The following COLEC10 variants were observed in gnomAD, a reference collection of about 807,000 sequenced individuals.
The protein encoded by COLEC10 is collectin subfamily member 10.
A neutral mutation model predicts 28.4 loss-of-function variants in COLEC10; 22 were observed. The observed-to-expected ratio is 0.78, with a 90% confidence interval of 0.55 to 1.11. The LOEUF is 1.11. COLEC10 is among the 50% of genes least tolerant of loss of function. The probability of loss-of-function intolerance (pLI) is 0.00; values close to 1 mark genes in which losing one functional copy is unlikely to be tolerated. For missense variants in COLEC10, 361 were observed against 344.1 expected (o/e 1.05, Z -0.39); for synonymous variants, 125 against 116.1 (o/e 1.08, Z -0.49).
intron 2 of COLEC10, among the ~76,000 whole-genome samples, chr8:119,045,570 T>C (rs1486950883): frequency 6.6e-6 from 1 of 152,244 alleles, no homozygotes; most frequent in African/African-American, 2.4e-5. Flanking sequence ...ACTGCTTATA[T>C]GGAGAGAAAA....
At chr8:119,062,439 C>G (rs1483815619), upstream of COLEC10, among the ~76,000 whole-genome samples, 1 of 151,566 alleles carries the variant, frequency 6.6e-6, no homozygotes, top group Non-Finnish European at 1.5e-5. Flanking sequence ...AACCATTTGA[C>G]TTTTTTTAAA....
chr8:119,098,307 C>A (rs187559585), intron 3 of COLEC10, among the ~76,000 whole-genome samples: 4 of 152,058 alleles, frequency 2.6e-5, no homozygotes, highest in East Asian at 3.9e-4. Context: ...GTTTTTAGTA[C>A]GATTAGCTGA....
At chr8:119,030,411 C>T (rs1289960849) in intron 2 of COLEC10, among the ~76,000 whole-genome samples, 6 of 152,034 alleles carry the variant, frequency 3.9e-5, no homozygotes, top group African/African-American at 1.5e-4. Flanking sequence ...ATGCTGTAAT[C>T]TCAGCACTGT....
intron 1 of COLEC10, among the ~76,000 whole-genome samples, chr8:119,074,281 TAA>T (rs1815182078): frequency 6.6e-6 from 1 of 152,108 alleles, no homozygotes; most frequent in Non-Finnish European, 1.5e-5. Context: ...TGTAAATAAC[TAA>T]AAGAGTATAA....
At chr8:118,975,646 C>A in the COLEC10 span, among the ~76,000 whole-genome samples, 1 of 151,904 alleles carries the variant, frequency 6.6e-6, no homozygotes, top group Non-Finnish European at 1.5e-5. Context: ...TCTTCTTTTC[C>A]AAACTATTAA....
intron 2 of COLEC10, among the ~76,000 whole-genome samples, chr8:119,037,978 G>C (rs1262234012): frequency 3.3e-5 from 5 of 152,172 alleles, no homozygotes; most frequent in Non-Finnish European, 7.3e-5. Flanking sequence ...CAAACACAGA[G>C]TTTGACACAT....
intron 1 of COLEC10, among the ~76,000 whole-genome samples, chr8:119,007,659 G>A (rs1813828421): frequency 6.6e-6 from 1 of 151,034 alleles, no homozygotes; most frequent in Admixed American, 6.6e-5. Context: ...GGAAGTCAAA[G>A]GACTTGCCCA....
chr8:119,009,850 A>ATTT (rs1563715702), intron 2 of COLEC10, among the ~76,000 whole-genome samples: 3 of 143,042 alleles, frequency 2.1e-5, no homozygotes, highest in African/African-American at 8.1e-5. Flanking sequence ...CTTTTTTTTA[A>ATTT]AAAAAAATAG....
chr8:118,961,172 T>C, the COLEC10 span, among the ~76,000 whole-genome samples: 1 of 152,162 alleles, frequency 6.6e-6, no homozygotes, highest in African/African-American at 2.4e-5. Flanking sequence ...CCTACTATAG[T>C]GATAAGGAAA....
Position 119,108,303 on chromosome 8 carries a change from G to A in COLEC10, c.*2112G>A, listed in dbSNP as rs151231915. Among the ~76,000 whole-genome samples the A allele has an allele frequency of 3.7e-4, 56 of 152,270 alleles. No individual in the cohort carries two copies. In the East Asian group the frequency reaches 0.01, roughly 28 times the overall value. ...CTCATATGTAAGAAGAGAGGAAGGA[G>A]AGACATGCAGCAAATGTTGCCTACG... On this transcript the variant is annotated 3_prime_UTR_variant, in exon 6 of 6. Coordinates refer to ENST00000332843, the MANE Select transcript of COLEC10 (RefSeq NM_006438.5).
rs1410186692 is a variant in COLEC10, at chr8:119,106,294, AT to A, written c.*104del. 5 of 1,268,442 alleles carry A rather than the reference AT, an allele frequency of 3.9e-6. No homozygotes were observed. Among genetic ancestry groups the A allele is most frequent in the Non-Finnish European group, 5.4e-6 (5 of 918,846 alleles). The allele number at this position is 1,268,442 out of a possible 1,614,324, so 78.6% of individuals were successfully genotyped here. A position where few individuals can be genotyped will look rare whatever the true frequency, so the allele number is the denominator to read the frequency against. On this transcript the variant is annotated 3_prime_UTR_variant, in exon 6 of 6. Transcript: ENST00000332843. ...TGTACTACATTTGATCTGAGTCAACATAGCTAGAAAATGCTAAACTGAGGTA... is the reference window on the plus strand; with the variant it reads ...TGTACTACATTTGATCTGAGTCAACAAGCTAGAAAATGCTAAACTGAGGTA...
intron 2 of COLEC10, among the ~76,000 whole-genome samples, chr8:119,033,881 C>T (rs1814338054): frequency 6.6e-6 from 1 of 152,098 alleles, no homozygotes; most frequent in Admixed American, 6.6e-5. Flanking sequence ...CCCAGCAATC[C>T]TATTATTGGA....
intron 2 of COLEC10, among the ~76,000 whole-genome samples, chr8:119,034,731 G>C (rs532694051): frequency 6.6e-6 from 1 of 152,060 alleles, no homozygotes; most frequent in Non-Finnish European, 1.5e-5. Flanking sequence ...AAACTATGAT[G>C]TTAGTCTTAC....
chr8:119,076,653 G>A (rs78948017), intron 1 of COLEC10, among the ~76,000 whole-genome samples: 1 of 152,170 alleles, frequency 6.6e-6, no homozygotes, highest in Non-Finnish European at 1.5e-5. Flanking sequence ...TGCTGCCCAG[G>A]GATAAGTGTA....
In COLEC10 at chr8:119,006,325, C is replaced by G. The variant is rs377764649; in HGVS notation, n.123-3116C>G. ...TCCACAAGCTCTTAGGCTCAAACAACCATTGCCTGTGTCAGGGATCAAATT... is the reference window on the plus strand; with the variant it reads ...TCCACAAGCTCTTAGGCTCAAACAAGCATTGCCTGTGTCAGGGATCAAATT... On this transcript the variant is annotated intron_variant and non_coding_transcript_variant, in intron 1 of 6. Coordinates refer to the COLEC10 transcript ENST00000521788. 2.1e-4 allele frequency among the ~76,000 whole-genome samples: 32 copies of G among 152,180 alleles called. No individual in the cohort carries two copies. In the East Asian group the frequency reaches 5.6e-3, roughly 27 times the overall value.
chr8:119,028,237 G>T (rs1814228321), intron 2 of COLEC10, among the ~76,000 whole-genome samples: 2 of 152,146 alleles, frequency 1.3e-5, no homozygotes, highest in South Asian at 4.1e-4. Context: ...GCTAAGGAAA[G>T]ATTTGATACA....
intron 1 of COLEC10, among the ~76,000 whole-genome samples, chr8:119,008,744 G>A (rs1813851940): frequency 6.6e-6 from 1 of 150,816 alleles, no homozygotes; most frequent in African/African-American, 2.5e-5. Context: ...AAGTTACTAG[G>A]TTGGTTGGTG....
Position 119,108,245 on chromosome 8 carries a change from T to G in COLEC10, c.*2054T>G, listed in dbSNP as rs1455366813. On this transcript the variant is annotated 3_prime_UTR_variant, in exon 6 of 6. Coordinates refer to ENST00000332843, the MANE Select transcript of COLEC10 (RefSeq NM_006438.5). ...GAAAGCCATCCCAGATCATGAGGAA[T>G]GAAAACCTAGAAACACCTGTAGGAA... 6.6e-6 allele frequency among the ~76,000 whole-genome samples: 1 copy of G among 152,106 alleles called. No homozygotes were observed. The highest frequency in any genetic ancestry group is 1.5e-5 in the Non-Finnish European group (1 of 68,018).
At chr8:118,976,772 T>C in the COLEC10 span, among the ~76,000 whole-genome samples, 2 of 152,132 alleles carry the variant, frequency 1.3e-5, no homozygotes, top group East Asian at 3.9e-4. Flanking sequence ...ACTAAAGAGC[T>C]TCTGCACAGC....
Sources: gnomAD v4.1 joint callset for allele counts (sites outside exome capture counted in the v4.1 genomes callset) on GRCh38, gnomAD v4.1.1 for gene constraint, MANE v1.5 for transcripts, NCBI Gene and HGNC (gene_info 2026-07-23, HGNC 2026-07-21) for gene names.